Variants in GNAT1 observed in about 807,000 individuals in gnomAD.
GNAT1 encodes G protein subunit alpha transducin 1, also known as guanine nucleotide-binding protein G(t) subunit alpha-1.
In GNAT1, 36 loss-of-function variants were observed where a neutral mutation model predicts 40.0. The ratio of observed to expected loss-of-function variants is 0.90; its 90% CI spans 0.69 to 1.19. GNAT1 has a LOEUF of 1.19. Among genes scored for constraint, GNAT1 ranks in the 50% most tolerant of loss-of-function variants. The probability of loss-of-function intolerance (pLI) is 0.00; values close to 1 mark genes in which losing one functional copy is unlikely to be tolerated. For synonymous variants in GNAT1, 195 were observed against 192.9 expected (o/e 1.01, Z -0.09); for missense variants, 413 against 480.6 (o/e 0.86, Z 1.32).
At position 50,193,772 on chromosome 3, in the gene GNAT1, C is replaced by A. The variant is rs779522093; in HGVS notation, c.469C>A (p.Arg157Ser). 1 of 1,612,280 alleles carries A rather than the reference C, an allele frequency of 6.2e-7. No individual in the cohort carries two copies. Among genetic ancestry groups the A allele is most frequent in the East Asian group, 2.2e-5 (1 of 44,830 alleles). The change falls in exon 5 of 9, where the codon CGC becomes AGC. Residue 157 changes from arginine (R) to serine (S), a missense_variant. Physicochemically the swap from Arg to Ser is moderately radical, Grantham distance 110. Coordinates refer to ENST00000232461, the MANE Select transcript of GNAT1 (RefSeq NM_144499.3). The surrounding 1 kb of genome is among the most constrained non-coding windows in gnomAD (Gnocchi z 8.1). ...GCGCAGCTACCTCTCCGACCTGGAG[C>A]GCCTGGTAACCCCGGGCTACGTGCC... ...SAGYYLSDLE[R>S]LVTPGYVPTE...
chr3:50,195,021 C>A (rs1699481494), intron 8 of GNAT1, 65 bp downstream of exon 8: 1 of 1,183,664 alleles, frequency 8.4e-7, no homozygotes, highest in Non-Finnish European at 1.2e-6. Context: ...CCCCACCCCA[C>A]ACCACGGCCC....
rs1203371908 is a variant in GNAT1, at chr3:50,193,425, T to G, written c.291+19T>G. Reference sequence around the variant, plus strand: ...ACGCCAGGTGTGCCAGGAGGCGGGCTGAGCGGGCCTCTGGGGACTCGAGGC... The same window carrying G: ...ACGCCAGGTGTGCCAGGAGGCGGGCGGAGCGGGCCTCTGGGGACTCGAGGC... On this transcript the variant is annotated intron_variant, in intron 3 of 8. Coordinates refer to ENST00000232461, the MANE Select transcript of GNAT1 (RefSeq NM_144499.3). This position sits in a 1 kb window ranked among gnomAD's most constrained non-coding sequence, Gnocchi z 8.1. The G allele has an allele frequency of 1.2e-6, 2 of 1,613,482 alleles. No individual in the cohort carries two copies. The highest frequency in any genetic ancestry group is 1.7e-6 in the Non-Finnish European group (2 of 1,179,954).
At chr3:50,192,039 C>T (rs1249334335) in intron 1 of GNAT1, among the ~76,000 whole-genome samples, 3 of 152,208 alleles carry the variant, frequency 2.0e-5, no homozygotes, top group Non-Finnish European at 4.4e-5. Flanking sequence ...CAAAGCCCCT[C>T]TCCAGACGGC....
At chr3:50,192,785 C>A (rs1456703934) in intron 1 of GNAT1, 1 of 470,356 alleles carries the variant, frequency 2.1e-6, no homozygotes, top group Admixed American at 3.4e-5. Flanking sequence ...GAGGCTCCCA[C>A]GAGGTGGCGA....
rs1424064278 is a variant in GNAT1, at chr3:50,194,291, G to T, written c.708+70G>T. On this transcript the variant is annotated intron_variant, in intron 6 of 8. Transcript: ENST00000232461. The surrounding 1 kb of genome is among the most constrained non-coding windows in gnomAD (Gnocchi z 6.1). ...CTGCTGGTCCCTGGAGGCGGAGACC[G>T]CGCGCTGGGCTGGGGGAGGGCACGG... is the stretch of plus-strand genomic sequence containing the variant. The T allele has an allele frequency of 6.5e-6, 10 of 1,529,118 alleles. No individual in the cohort carries two copies. Among genetic ancestry groups the T allele is most frequent in the Non-Finnish European group, 7.1e-6 (8 of 1,128,120 alleles). 94.7% of individuals were successfully genotyped at this position (1,529,118 alleles called of 1,614,324 possible). A position where few individuals can be genotyped will look rare whatever the true frequency, so the allele number is the denominator to read the frequency against.
chr3:50,194,633 A>G lies in GNAT1; in HGVS notation c.841A>G (p.Ile281Val), dbSNP rs778392995. The change falls in exon 7 of 9, where the codon ATC becomes GTC. Residue 281 changes from isoleucine (I) to valine (V), a missense_variant. Coordinates refer to ENST00000232461, the MANE Select transcript of GNAT1 (RefSeq NM_144499.3). The surrounding 1 kb of genome is among the most constrained non-coding windows in gnomAD (Gnocchi z 6.1). ...FEKIKKAHLS[I>V]CFPDYDGPNT... ...GAAGATCAAGAAGGCGCACCTCAGC[A>G]TCTGTTTCCCGGACTACGATGGTGA... The G allele has an allele frequency of 3.7e-6, 6 of 1,613,394 alleles. No homozygotes were observed. The highest frequency in any genetic ancestry group is 4.2e-6 in the Non-Finnish European group (5 of 1,179,818).
intron 1 of GNAT1, chr3:50,192,793 C>T: frequency 4.2e-6 from 2 of 479,040 alleles, no homozygotes; most frequent in Admixed American, 3.4e-5. Flanking sequence ...CACGAGGTGG[C>T]GATGACGCTC....
At chr3:50,195,132 TCCCA>T in intron 8 of GNAT1, 132 bp from the exon 9 acceptor site, 1 of 564,198 alleles carries the variant, frequency 1.8e-6, no homozygotes, top group Non-Finnish European at 3.1e-6. Flanking sequence ...ACCCCACAAG[TCCCA>T]CCCATTGAAT....
In GNAT1 at chr3:50,191,813, G is replaced by A. The variant is rs145040990; in HGVS notation, c.88G>A (p.Val30Met). The change falls in exon 1 of 9, where the codon GTG becomes ATG. Residue 30 changes from valine (V) to methionine (M), a missense_variant. Physicochemically the swap from Val to Met is conservative, Grantham distance 21 (BLOSUM62 1). Coordinates refer to ENST00000232461, the MANE Select transcript of GNAT1 (RefSeq NM_144499.3). The stretch of plus-strand genomic sequence containing the variant: ...GGACGCTGAGAAGGATGCTCGAACC[G>A]TGAAGCTGCTGCTTCTGGGTAGGGG... ...KEDAEKDART[V>M]KLLLLGAGES... 1.1e-4 allele frequency: 172 copies of A among 1,612,314 alleles called. No individual in the cohort carries two copies. Among genetic ancestry groups the A allele is most frequent in the Non-Finnish European group, 1.4e-4 (161 of 1,178,508 alleles).
rs192031519 is a variant in GNAT1 at position 50,197,152 on chromosome 3, G to A, written c.*1886G>A. 5.9e-5 allele frequency among the ~76,000 whole-genome samples: 9 copies of A among 152,286 alleles called. No individual in the cohort carries two copies. The highest frequency in any genetic ancestry group is 4.6e-4 in the Admixed American group (7 of 15,288). ...CAGAGGCATGCTAAGATATATTGGGGCTTGAAGCAAAGGGAAAACTATTTG... is the reference window on the plus strand; with the variant it reads ...CAGAGGCATGCTAAGATATATTGGGACTTGAAGCAAAGGGAAAACTATTTG... On this transcript the variant is annotated 3_prime_UTR_variant, in exon 9 of 9. Transcript: ENST00000232461.
rs770031393 is a variant in GNAT1, at chr3:50,191,772, A to G, written c.47A>G (p.Glu16Gly). The change falls in exon 1 of 9, where the codon GAA becomes GGA. Residue 16 changes from glutamate to glycine, a missense_variant. Coordinates refer to ENST00000232461, the MANE Select transcript of GNAT1 (RefSeq NM_144499.3). ...GAGGAGAAGCACTCCAGGGAGCTGG[A>G]AAAGAAGCTGAAAGAGGACGCTGAG... Reference protein sequence around the residue: ...SAEEKHSRELEKKLKEDAEKD... With the variant: ...SAEEKHSRELGKKLKEDAEKD... The G allele has an allele frequency of 2.5e-6, 4 of 1,613,948 alleles. No homozygotes were observed. Among genetic ancestry groups the G allele is most frequent in the East Asian group, 2.2e-5 (1 of 44,880 alleles).
rs1180481119 is a variant in GNAT1 at position 50,197,537 on chromosome 3, T to C, written c.*2271T>C. 6.6e-6 allele frequency among the ~76,000 whole-genome samples: 1 copy of C among 152,228 alleles called. No homozygotes were observed. The highest frequency in any genetic ancestry group is 1.5e-5 in the Non-Finnish European group (1 of 68,042). On this transcript the variant is annotated 3_prime_UTR_variant, in exon 9 of 9. Transcript: ENST00000232461. ...ATCATGTCTTCAAGGTTTATTCATG[T>C]GTAGCATATGGCAGAATCTCCTTCC...
chr3:50,191,740 C>T lies in GNAT1; in HGVS notation c.15C>T (p.Ala5=), dbSNP rs376502535. 2.9e-5 allele frequency: 47 copies of T among 1,612,564 alleles called. No homozygotes were observed. Among genetic ancestry groups the T allele is most frequent in the Non-Finnish European group, 3.8e-5 (45 of 1,178,696 alleles). ...CTGCTGGGACCATGGGGGCTGGGGC[C>T]AGTGCTGAGGAGAAGCACTCCAGGG... MGAG[A]SAEEKHSREL... is the part of the protein sequence containing the mutation. The change falls in exon 1 of 9, where the codon GCC becomes GCT. Residue 5 remains alanine, a synonymous_variant. Transcript: ENST00000232461.
chr3:50,192,989 G>A, intron 1 of GNAT1, 144 bp from the exon 2 acceptor site: 2 of 744,822 alleles, frequency 2.7e-6, no homozygotes, highest in African/African-American at 1.7e-5. Context: ...GGGGGGGTAG[G>A]TGTGGCTACG....
Position 50,197,075 on chromosome 3 carries a change from G to T in GNAT1, c.*1809G>T, listed in dbSNP as rs1324134757. Among the ~76,000 whole-genome samples, 1 of 152,118 alleles carries T rather than the reference G, an allele frequency of 6.6e-6. No homozygotes were observed. The highest frequency in any genetic ancestry group is 1.5e-5 in the Non-Finnish European group (1 of 68,028). On this transcript the variant is annotated 3_prime_UTR_variant, in exon 9 of 9. Transcript: ENST00000232461. ...AGGATAATATTTTTAAAAATCAAAT[G>T]AATGCAAAACCCCACAATGAATGAA... is the stretch of plus-strand genomic sequence containing the variant.
chr3:50,194,411 G>A lies in GNAT1; in HGVS notation c.709-90G>A, dbSNP rs960098110. 2 of 1,491,436 alleles carry A rather than the reference G, an allele frequency of 1.3e-6. No individual in the cohort carries two copies. The highest frequency in any genetic ancestry group is 2.8e-5 in the African/African-American group (2 of 72,276). 92.4% of individuals were successfully genotyped at this position (1,491,436 alleles called of 1,614,324 possible). A position where few individuals can be genotyped will look rare whatever the true frequency, so the allele number is the denominator to read the frequency against. ...GGGGAGCCCTCTGAGAGCCAGCTGAGCGGGAAGCCCCGCGTGCCCGGGAGC... is the reference window on the plus strand; with the variant it reads ...GGGGAGCCCTCTGAGAGCCAGCTGAACGGGAAGCCCCGCGTGCCCGGGAGC... On this transcript the variant is annotated intron_variant, in intron 6 of 8. Transcript: ENST00000232461. The surrounding 1 kb of genome is among the most constrained non-coding windows in gnomAD (Gnocchi z 6.1).
chr3:50,197,210 T>C lies in GNAT1; in HGVS notation c.*1944T>C, dbSNP rs1171604893. Among the ~76,000 whole-genome samples the C allele has an allele frequency of 6.6e-6, 1 of 152,170 alleles. No individual in the cohort carries two copies. Among genetic ancestry groups the C allele is most frequent in the Non-Finnish European group, 1.5e-5 (1 of 68,026 alleles). On this transcript the variant is annotated 3_prime_UTR_variant, in exon 9 of 9. Coordinates refer to ENST00000232461, the MANE Select transcript of GNAT1 (RefSeq NM_144499.3). ...ATGTTTGTAGGGATTTTTTGCCAGT[T>C]TTAAAAATACATGTATCATAAAGTT...
Position 50,196,428 on chromosome 3 carries a change from C to T in GNAT1, c.*1162C>T, listed in dbSNP as rs970209995. 4 of 152,670 alleles carry T rather than the reference C, an allele frequency of 2.6e-5. No homozygotes were observed. The highest frequency in any genetic ancestry group is 6.5e-5 in the Admixed American group (1 of 15,278). 9.5% of individuals were successfully genotyped at this position (152,670 alleles called of 1,614,324 possible). On this transcript the variant is annotated 3_prime_UTR_variant, in exon 9 of 9. Coordinates refer to ENST00000232461, the MANE Select transcript of GNAT1 (RefSeq NM_144499.3). ...CCAGGGCCTGTGCTGCAGTCGGGGA[C>T]AAGGAGCTTCCGTCTGGCAAGGCCG...
At position 50,193,459 on chromosome 3, in the gene GNAT1, G is replaced by T; in HGVS notation, c.292-47G>T. 1.2e-6 allele frequency: 2 copies of T among 1,608,772 alleles called. No homozygotes were observed. The highest frequency in any genetic ancestry group is 1.7e-6 in the Non-Finnish European group (2 of 1,178,576). On this transcript the variant is annotated intron_variant, in intron 3 of 8. Coordinates refer to ENST00000232461, the MANE Select transcript of GNAT1 (RefSeq NM_144499.3). The surrounding 1 kb of genome is among the most constrained non-coding windows in gnomAD (Gnocchi z 8.1). ...CTCTGGGGACTCGAGGCTCGCGGCT[G>T]GGCCCGAGTCCCTGGCCGCCACCAG...
Sources: allele counts gnomAD v4.1 joint callset (sites outside exome capture counted in the v4.1 genomes callset), GRCh38; gene constraint gnomAD v4.1.1; non-coding constraint Gnocchi (gnomAD v3.1); transcripts MANE v1.5; gene names NCBI Gene and HGNC (gene_info 2026-07-23, HGNC 2026-07-21).